MLKL: variants seen among roughly 807,000 people sequenced by gnomAD.
MLKL encodes the protein mixed lineage kinase domain-like protein.
In MLKL, 55 loss-of-function variants were observed where a neutral mutation model predicts 56.5. The ratio of observed to expected loss-of-function variants is 0.97; its 90% CI spans 0.78 to 1.22. The LOEUF is 1.22. Among genes scored for constraint, MLKL ranks in the 50% most tolerant of loss-of-function variants. MLKL has a pLI of 0.00. For synonymous variants in MLKL, 251 were observed against 208.3 expected (o/e 1.20, Z -1.76); for missense variants, 694 against 573.9 (o/e 1.21, Z -2.14).
At position 74,700,712 on chromosome 16, in the gene MLKL, A is replaced by G. The variant is rs1274327718; in HGVS notation, c.-262T>C. On this transcript the variant is annotated 5_prime_UTR_variant, in exon 1 of 11. Transcript: ENST00000308807. ...GGGAAACCCCGGCCACTGCAGCTGC[A>G]CTTGAGCAGGGTCCCTCCACTCAGC... 1 of 152,364 alleles carries G rather than the reference A, an allele frequency of 6.6e-6. No individual in the cohort carries two copies. The highest frequency in any genetic ancestry group is 2.1e-4 in the South Asian group (1 of 4,828). 9.4% of individuals were successfully genotyped at this position (152,364 alleles called of 1,614,324 possible).
At chr16:74,684,711 G>C (rs1960223117) in intron 5 of MLKL, among the ~76,000 whole-genome samples, 1 of 151,950 alleles carries the variant, frequency 6.6e-6, no homozygotes, top group Non-Finnish European at 1.5e-5. Flanking sequence ...GGCCAGGACG[G>C]TCTCAAGCTC....
rs1213734132 is a variant in MLKL, at chr16:74,692,398, G to T, written c.479C>A (p.Ala160Asp). 1.9e-6 allele frequency: 3 copies of T among 1,613,174 alleles called. No individual in the cohort carries two copies. The African/African-American group carries it at 4.0e-5, about 22-fold the overall frequency. Residue 160 changes from alanine to aspartate, a missense_variant, in exon 3 of 11, where the codon GCT becomes GAT. Coordinates refer to ENST00000308807, the MANE Select transcript of MLKL (RefSeq NM_152649.4). ...GTTGATTTCTAATCGTCTCAGTGAA[G>T]CTTCTATTTTTTCATTATCTGCAGG... ...MLRRDNEKIE[A>D]SLRRLEINMK...
intron 4 of MLKL, among the ~76,000 whole-genome samples, chr16:74,689,214 A>G (rs1960517861): frequency 6.6e-6 from 1 of 151,462 alleles, no homozygotes; most frequent in Non-Finnish European, 1.5e-5. Context: ...TCCAAGGTTC[A>G]AGTGATTCTC....
In MLKL at chr16:74,696,419, G is replaced by GT. The variant is rs747762259; in HGVS notation, c.-2-661dup. Among the ~76,000 whole-genome samples, 324 of 151,040 alleles carry GT rather than the reference G, an allele frequency of 2.1e-3. 2 individuals carry two copies. The highest frequency in any genetic ancestry group is 1.9e-3 in the African/African-American group (79 of 41,190). On this transcript the variant is annotated intron_variant, in intron 1 of 10. Transcript: ENST00000308807. The stretch of plus-strand genomic sequence containing the variant: ...GCCACAGATAAATATGTTTCTTTCT[G>GT]TTTTTTTTTAAAACATGTGGACTAT...
At chr16:74,680,083 A>T (rs1959846523) in intron 6 of MLKL, among the ~76,000 whole-genome samples, 1 of 152,208 alleles carries the variant, frequency 6.6e-6, no homozygotes, top group Non-Finnish European at 1.5e-5. Flanking sequence ...GGGCAGGGAC[A>T]GATGGATATA....
rs189950858 is a variant in MLKL at position 74,680,632 on chromosome 16, G to C, written c.957-1652C>G. ...AGCGATTCTCCTGCCTCAGCCTTACGAGTAGCTGGGACTATAGGTGCGTGC... is the reference window on the plus strand; with the variant it reads ...AGCGATTCTCCTGCCTCAGCCTTACCAGTAGCTGGGACTATAGGTGCGTGC... On this transcript the variant is annotated intron_variant, in intron 6 of 10. Coordinates refer to ENST00000308807, the MANE Select transcript of MLKL (RefSeq NM_152649.4). Among the ~76,000 whole-genome samples, 221 of 152,148 alleles carry C rather than the reference G, an allele frequency of 1.5e-3. 2 individuals carry two copies. The highest frequency in any genetic ancestry group is 1.0e-3 in the Non-Finnish European group (71 of 68,004).
intron 5 of MLKL, among the ~76,000 whole-genome samples, chr16:74,684,680 G>A (rs750151884): frequency 6.6e-6 from 1 of 151,476 alleles, no homozygotes; most frequent in African/African-American, 2.4e-5. Context: ...ATTTTTAGTA[G>A]AGACGGGGTT....
At chr16:74,684,815 A>C (rs1157957588) in intron 5 of MLKL, among the ~76,000 whole-genome samples, 20 of 152,096 alleles carry the variant, frequency 1.3e-4, no homozygotes, top group Admixed American at 1.3e-3. Context: ...GATTTGTTCT[A>C]TACTAATGAT....
chr16:74,685,310 G>A (rs1960254187), intron 5 of MLKL, among the ~76,000 whole-genome samples, 176 bp downstream of exon 5: 1 of 151,304 alleles, frequency 6.6e-6, no homozygotes, highest in Non-Finnish European at 1.5e-5. Context: ...CTGCCCTCCT[G>A]AAAGAAGATG....
In MLKL at chr16:74,672,273, T is replaced by C. The variant is rs1255177078; in HGVS notation, c.*231A>G. The C allele has an allele frequency of 2.2e-6, 1 of 454,022 alleles. No individual in the cohort carries two copies. The highest frequency in any genetic ancestry group is 3.7e-5 in the Admixed American group (1 of 27,318). 28.1% of individuals were successfully genotyped at this position (454,022 alleles called of 1,614,324 possible). A position where few individuals can be genotyped will look rare whatever the true frequency, so the allele number is the denominator to read the frequency against. ...AGGTGTGGATACCCAGAAAGATACA[T>C]TTGACAAACCATCTATCAAAGTTAC... On this transcript the variant is annotated 3_prime_UTR_variant, in exon 11 of 11. Coordinates refer to ENST00000308807, the MANE Select transcript of MLKL (RefSeq NM_152649.4).
chr16:74,686,942 T>G (rs1384135158), intron 4 of MLKL, among the ~76,000 whole-genome samples: 1 of 152,218 alleles, frequency 6.6e-6, no homozygotes, highest in African/African-American at 2.4e-5. Flanking sequence ...CCTGAAAATT[T>G]TGTACCTAAA....
intron 7 of MLKL, 65 bp downstream of exon 7, chr16:74,678,834 C>A: frequency 8.9e-7 from 1 of 1,129,252 alleles, no homozygotes; most frequent in Non-Finnish European, 1.4e-6. Context: ...CTGAGACACT[C>A]GTGCCCCTCT....
Position 74,675,111 on chromosome 16 carries a change from T to C in MLKL, c.1241-11A>G. On this transcript the variant is annotated splice_polypyrimidine_tract_variant and intron_variant, in intron 9 of 10. Transcript: ENST00000308807. ...TCTCAGAATTACAGCCTGGAAATGA[T>C]AGCATGAGAGCCTCAAAAAATTGCT... 1 of 1,613,546 alleles carries C rather than the reference T, an allele frequency of 6.2e-7. No homozygotes were observed. Among genetic ancestry groups the C allele is most frequent in the South Asian group, 1.1e-5 (1 of 91,014 alleles).
chr16:74,673,314 T>C (rs1023836331), intron 10 of MLKL, among the ~76,000 whole-genome samples: 5 of 151,880 alleles, frequency 3.3e-5, no homozygotes, highest in Admixed American at 1.3e-4. Flanking sequence ...GCCTCTGGGG[T>C]TCAAGCAATT....
intron 6 of MLKL, among the ~76,000 whole-genome samples, chr16:74,679,516 G>A (rs1959807278): frequency 1.3e-5 from 2 of 152,134 alleles, no homozygotes; most frequent in South Asian, 4.1e-4. Flanking sequence ...TATCAAGAAG[G>A]TGCTCCCTTG....
In MLKL at chr16:74,682,645, TCTTAC is replaced by T; in HGVS notation, c.956+1_956+5del. The T allele has an allele frequency of 6.2e-7, 1 of 1,613,754 alleles. No homozygotes were observed. Among genetic ancestry groups the T allele is most frequent in the East Asian group, 2.2e-5 (1 of 44,876 alleles). On this transcript the variant is annotated splice_donor_variant and splice_donor_5th_base_variant and intron_variant, in intron 6 of 10. Transcript: ENST00000308807. LOFTEE classifies it high-confidence loss of function. ...CCCTTAGTGGCGCCTTTTCACCCCG[TCTTAC>T]CGGTATAGGCCTCGGGCTGCCCCCA...
intron 2 of MLKL, 131 bp from the exon 3 acceptor site, chr16:74,692,547 A>AC: frequency 1.5e-6 from 1 of 668,396 alleles, no homozygotes. Context: ...AGGGATTACT[A>AC]CTGATCACCA....
chr16:74,682,851 C>T, intron 5 of MLKL, 65 bp from the exon 6 acceptor site: 1 of 1,577,888 alleles, frequency 6.3e-7, no homozygotes. Context: ...GTCTGCAGCC[C>T]ACCTCTCCCA....
chr16:74,675,091 G>A lies in MLKL; in HGVS notation c.1250C>T (p.Ser417Phe). ...AGCCACCAGCTTGCGGATCTTCTCA[G>A]AATTACAGCCTGGAAATGATAGCAT... is the stretch of plus-strand genomic sequence containing the variant. Reference protein sequence around the residue: ...TGDIPFQGCNSEKIRKLVAVK... With the variant: ...TGDIPFQGCNFEKIRKLVAVK... Residue 417 changes from serine to phenylalanine, a missense_variant, in exon 10 of 11, where the codon TCT becomes TTT. Ser to Phe is a radical substitution (Grantham distance 155). Coordinates refer to ENST00000308807, the MANE Select transcript of MLKL (RefSeq NM_152649.4). The A allele has an allele frequency of 6.2e-7, 1 of 1,614,078 alleles. No homozygotes were observed.
Sources: gnomAD v4.1 joint callset for allele counts (sites outside exome capture counted in the v4.1 genomes callset) on GRCh38, gnomAD v4.1.1 for gene constraint, MANE v1.5 for transcripts, NCBI Gene and HGNC (gene_info 2026-07-23, HGNC 2026-07-21) for gene names.